Variants in CFAP92 observed in about 807,000 individuals in gnomAD.
CFAP92 encodes the protein cilia and flagella associated protein 92 (putative), also known as uncharacterized protein CFAP92.
A neutral mutation model predicts 106.3 loss-of-function variants in CFAP92; 86 were observed. The ratio of observed to expected loss-of-function variants is 0.81; its 90% CI spans 0.68 to 0.97. CFAP92 has a LOEUF of 0.97. CFAP92 is among the 50% of genes least tolerant of loss of function. CFAP92 has a pLI of 0.00. For missense variants in CFAP92, 1,204 were observed against 1,283.8 expected (o/e 0.94, Z 0.95); for synonymous variants, 477 against 506.4 (o/e 0.94, Z 0.78).
Position 128,910,237 on chromosome 3 carries a change from G to A in CFAP92, c.*62C>T. The A allele has an allele frequency of 1.3e-6, 2 of 1,592,704 alleles. No homozygotes were observed. Among genetic ancestry groups the A allele is most frequent in the Non-Finnish European group, 1.7e-6 (2 of 1,171,914 alleles). ...GAAGTTGATTGTTGAGGAGGGTGTG[G>A]TCGGGTGTGGGGGAGGCTGTGCAGG... On this transcript the variant is annotated 3_prime_UTR_variant, in exon 16 of 16. Coordinates refer to ENST00000645291, the MANE Select transcript of CFAP92 (RefSeq NM_001394090.1).
intron 3 of CFAP92, among the ~76,000 whole-genome samples, chr3:128,988,034 A>C (rs1372199899): frequency 6.6e-6 from 1 of 152,226 alleles, no homozygotes; most frequent in Non-Finnish European, 1.5e-5. Flanking sequence ...TAGGAAGAAT[A>C]AAATCAAAGT....
chr3:128,931,762 C>T (rs1938422503), intron 12 of CFAP92, among the ~76,000 whole-genome samples: 1 of 152,086 alleles, frequency 6.6e-6, no homozygotes, highest in Non-Finnish European at 1.5e-5. Context: ...GTGACTCACA[C>T]CTGTAATCCC....
At chr3:128,976,512 G>A (rs1268741562) in intron 6 of CFAP92, among the ~76,000 whole-genome samples, 1 of 152,116 alleles carries the variant, frequency 6.6e-6, no homozygotes, top group African/African-American at 2.4e-5. Context: ...ACCACCAGCT[G>A]AGCTTCCATT....
Position 128,971,438 on chromosome 3 carries a change from G to A in CFAP92, c.1022-5C>T, listed in dbSNP as rs757706337. 6.3e-7 allele frequency: 1 copy of A among 1,594,136 alleles called. No homozygotes were observed. The highest frequency in any genetic ancestry group is 8.5e-7 in the Non-Finnish European group (1 of 1,169,886). On this transcript the variant is annotated splice_region_variant and splice_polypyrimidine_tract_variant and intron_variant, in intron 7 of 15. Transcript: ENST00000645291. ...CCTCTGAATCTTTCCCTTTAACTGT[G>A]AAATCAAACAAAGGAGATGAGCATT...
chr3:129,002,747 T>A, upstream of CFAP92: 1 of 180,558 alleles, frequency 5.5e-6, no homozygotes, highest in Non-Finnish European at 1.1e-5. Context: ...TGTCCTCACC[T>A]TTAGGGATAT....
intron 12 of CFAP92, among the ~76,000 whole-genome samples, chr3:128,920,450 A>T (rs1215860658): frequency 6.6e-6 from 1 of 152,226 alleles, no homozygotes; most frequent in Non-Finnish European, 1.5e-5. Context: ...ATAAATGAAA[A>T]TGAGAATTTC....
At chr3:129,014,283 A>G in the CFAP92 span, among the ~76,000 whole-genome samples, 1 of 152,192 alleles carries the variant, frequency 6.6e-6, no homozygotes, top group Non-Finnish European at 1.5e-5. The surrounding 1 kb of genome is among the most constrained non-coding windows in gnomAD (Gnocchi z 4.3). Flanking sequence ...AGGGTCAGGG[A>G]GTGTGAGTCA....
At chr3:129,003,559 T>TG (rs1336594546), upstream of CFAP92, among the ~76,000 whole-genome samples, 4 of 136,670 alleles carry the variant, frequency 2.9e-5, no homozygotes, top group African/African-American at 1.1e-4. Context: ...GAAAAAACGT[T>TG]GGGGGGTGGG....
chr3:128,928,646 CA>C (rs912703547), intron 12 of CFAP92, among the ~76,000 whole-genome samples: 1 of 151,394 alleles, frequency 6.6e-6, no homozygotes, highest in South Asian at 2.1e-4. Context: ...CATTGGACCT[CA>C]AAAAAAATGG....
the CFAP92 span, among the ~76,000 whole-genome samples, chr3:129,011,550 C>CA: frequency 6.4e-3 from 594 of 93,402 alleles, 1 homozygote; most frequent in Middle Eastern, 0.021. Context: ...GACTCCGTCT[C>CA]AAAAAAAAAA....
At chr3:128,985,388 C>T (rs2107808728) in intron 4 of CFAP92, among the ~76,000 whole-genome samples, 1 of 152,146 alleles carries the variant, frequency 6.6e-6, no homozygotes, top group Admixed American at 6.5e-5. Flanking sequence ...TCACTTGAGC[C>T]CAGGAGCTCA....
intron 12 of CFAP92, among the ~76,000 whole-genome samples, chr3:128,922,149 C>G (rs1047206759): frequency 4.6e-5 from 7 of 151,874 alleles, no homozygotes; most frequent in African/African-American, 1.7e-4. Context: ...ACCATTCTGG[C>G]TAACACGGTG....
intron 12 of CFAP92, among the ~76,000 whole-genome samples, chr3:128,919,769 T>C (rs967087631): frequency 6.6e-6 from 1 of 152,168 alleles, no homozygotes; most frequent in African/African-American, 2.4e-5. Flanking sequence ...TTTTGGAAAA[T>C]GCTGCATTGC....
intron 12 of CFAP92, 56 bp downstream of exon 12, chr3:128,932,643 GC>G: frequency 6.8e-7 from 1 of 1,475,448 alleles, no homozygotes; most frequent in Non-Finnish European, 9.0e-7. Context: ...CTCAGCAGGC[GC>G]CTGGACCGCC....
At chr3:128,924,913 C>T (rs1441801451) in intron 12 of CFAP92, among the ~76,000 whole-genome samples, 1 of 151,926 alleles carries the variant, frequency 6.6e-6, no homozygotes, top group Non-Finnish European at 1.5e-5. Flanking sequence ...TGTTTGATCA[C>T]CAATAAATAG....
intron 8 of CFAP92, chr3:128,970,912 T>C (rs1282247910): frequency 3.9e-6 from 1 of 257,924 alleles, no homozygotes; most frequent in Non-Finnish European, 7.4e-6. Context: ...AAGGGTTCCC[T>C]TTCCTCATTC....
chr3:128,976,925 G>T (rs1036659346), intron 6 of CFAP92, 54 bp downstream of exon 6: 51 of 1,348,308 alleles, frequency 3.8e-5, no homozygotes, highest in Non-Finnish European at 5.2e-5. Context: ...TCATAGTAGG[G>T]CTAGTACAAG....
At chr3:128,981,862 G>C (rs1411427269) in intron 4 of CFAP92, among the ~76,000 whole-genome samples, 1 of 152,204 alleles carries the variant, frequency 6.6e-6, no homozygotes, top group Non-Finnish European at 1.5e-5. Context: ...TATTAGAAAG[G>C]AGTCTTTTTC....
chr3:128,936,343 T>A (rs1230688113), intron 10 of CFAP92, among the ~76,000 whole-genome samples: 2 of 152,272 alleles, frequency 1.3e-5, no homozygotes, highest in Non-Finnish European at 2.9e-5. Flanking sequence ...TCTTATTGAT[T>A]CACAGGACTT....
Sources: gnomAD v4.1 joint callset for allele counts (sites outside exome capture counted in the v4.1 genomes callset) on GRCh38, gnomAD v4.1.1 for gene constraint, Gnocchi (gnomAD v3.1) non-coding constraint, MANE v1.5 for transcripts, NCBI Gene and HGNC (gene_info 2026-07-23, HGNC 2026-07-21) for gene names.